Variants in ARHGAP26 observed in about 807,000 individuals in gnomAD.
ARHGAP26 encodes Rho GTPase activating protein 26.
In ARHGAP26, 38 loss-of-function variants were observed where a neutral mutation model predicts 104.8. That is an observed-to-expected ratio of 0.36 (90% confidence interval 0.28 to 0.48). The LOEUF is 0.48. ARHGAP26 is among the 20% of genes least tolerant of loss of function. The pLI is 0.99. For missense variants in ARHGAP26, 704 were observed against 947.9 expected (o/e 0.74, Z 3.38); for synonymous variants, 341 against 340.0 (o/e 1.00, Z -0.03).
chr5:142,843,331 C>G (rs142342390), intron 1 of ARHGAP26, among the ~76,000 whole-genome samples: 1 of 152,192 alleles, frequency 6.6e-6, no homozygotes, highest in African/African-American at 2.4e-5. Flanking sequence ...CTTTCTGACA[C>G]TGAGTGGAGT....
At chr5:143,061,021 A>G (rs932509758) in intron 17 of ARHGAP26, among the ~76,000 whole-genome samples, 28 of 152,222 alleles carry the variant, frequency 1.8e-4, no homozygotes, top group Admixed American at 1.8e-3. Context: ...AGTCTTTGCA[A>G]TTTGACTTTG....
At chr5:142,957,332 G>A (rs150062135) in intron 11 of ARHGAP26, among the ~76,000 whole-genome samples, 217 of 152,186 alleles carry the variant, frequency 1.4e-3, no homozygotes, top group African/African-American at 4.7e-3. Flanking sequence ...TTGTGATTTC[G>A]TACACAGTTG....
intron 1 of ARHGAP26, chr5:142,860,430 C>A (rs1160277696): frequency 6.6e-6 from 1 of 152,146 alleles, no homozygotes; most frequent in African/African-American, 2.4e-5. Context: ...ATTGGCAGCT[C>A]CAGCCTAGGA....
intron 11 of ARHGAP26, among the ~76,000 whole-genome samples, chr5:142,936,571 A>G (rs1199184696): frequency 6.6e-6 from 1 of 152,172 alleles, no homozygotes; most frequent in Non-Finnish European, 1.5e-5. Context: ...AGATAAAACA[A>G]TTTTAAAAAA....
At chr5:143,153,353 C>T (rs3776273) in intron 20 of ARHGAP26, among the ~76,000 whole-genome samples, 4,199 of 152,192 alleles carry the variant, frequency 0.028, 264 homozygotes, top group South Asian at 0.22. Context: ...CTTCCACTGT[C>T]TCTGGTGGAA....
intron 1 of ARHGAP26, among the ~76,000 whole-genome samples, chr5:142,787,229 G>A (rs1758854693): frequency 6.6e-6 from 1 of 152,172 alleles, no homozygotes; most frequent in African/African-American, 2.4e-5. Flanking sequence ...ACAGTGTCAA[G>A]TGTCTCATTT....
rs1761437029 is a variant in ARHGAP26 at position 142,908,691 on chromosome 5, T to G, written c.933+887T>G. 3 of 163,752 alleles carry G rather than the reference T, an allele frequency of 1.8e-5. No homozygotes were observed. In the South Asian group the frequency reaches 6.2e-4, roughly 34 times the overall value. The allele number at this position is 163,752 out of a possible 1,614,324, so 10.1% of individuals were successfully genotyped here. ...TTTCAGTGGGGGAGGAGGTAGACCC[T>G]GCCTCTCCATGGGAGGGGCATCAAA... is the stretch of plus-strand genomic sequence containing the variant. On this transcript the variant is annotated intron_variant, in intron 9 of 22. Coordinates refer to ENST00000645722, the MANE Select transcript of ARHGAP26 (RefSeq NM_001135608.3).
At chr5:143,164,807 T>A (rs997854236) in intron 20 of ARHGAP26, 7 of 152,198 alleles carry the variant, frequency 4.6e-5, no homozygotes, top group African/African-American at 1.7e-4. Flanking sequence ...GTAAGCAAGT[T>A]CCCAGTGTAA....
At chr5:142,877,594 G>A (rs1200463028) in intron 3 of ARHGAP26, among the ~76,000 whole-genome samples, 1 of 152,224 alleles carries the variant, frequency 6.6e-6, no homozygotes, top group African/African-American at 2.4e-5. Context: ...AAGGCTGATA[G>A]CAAGTAGTAG....
chr5:142,807,984 C>T (rs1763299471), intron 1 of ARHGAP26, among the ~76,000 whole-genome samples: 1 of 151,826 alleles, frequency 6.6e-6, no homozygotes, highest in South Asian at 2.1e-4. Context: ...GCCTGTAATC[C>T]CAGCACTTTG....
chr5:142,884,129 A>C (rs1439374449), intron 4 of ARHGAP26, among the ~76,000 whole-genome samples: 3 of 152,228 alleles, frequency 2.0e-5, no homozygotes, highest in African/African-American at 7.2e-5. Flanking sequence ...CCCGTTTATC[A>C]GCCAAGTGCC....
At chr5:143,009,429 G>A (rs1411574816) in intron 11 of ARHGAP26, among the ~76,000 whole-genome samples, 3 of 152,162 alleles carry the variant, frequency 2.0e-5, no homozygotes, top group African/African-American at 7.2e-5. Flanking sequence ...ATTTCCAGCT[G>A]TCTGACCTTG....
intron 20 of ARHGAP26, among the ~76,000 whole-genome samples, chr5:143,173,396 C>G (rs1274748327): frequency 6.6e-6 from 1 of 152,110 alleles, no homozygotes; most frequent in Admixed American, 6.5e-5. Flanking sequence ...CCACGAGGGC[C>G]TAGAGGGAGT....
At chr5:142,852,219 G>A (rs1337437534) in intron 1 of ARHGAP26, among the ~76,000 whole-genome samples, 2 of 152,240 alleles carry the variant, frequency 1.3e-5, no homozygotes, top group Admixed American at 6.5e-5. Context: ...GCCTCTGAGC[G>A]GTCAGAGGTA....
intron 14 of ARHGAP26, among the ~76,000 whole-genome samples, chr5:143,050,224 C>G (rs1784809593): frequency 6.6e-6 from 1 of 152,166 alleles, no homozygotes; most frequent in African/African-American, 2.4e-5. Context: ...TGACTGAGAG[C>G]CTAATTTTCT....
intron 20 of ARHGAP26, among the ~76,000 whole-genome samples, chr5:143,155,810 C>T (rs1800405645): frequency 6.6e-6 from 1 of 152,194 alleles, no homozygotes; most frequent in Non-Finnish European, 1.5e-5. Context: ...TTTCTATAAA[C>T]TTATAAATCT....
Position 142,885,285 on chromosome 5 carries a change from C to G in ARHGAP26, c.385-13C>G, listed in dbSNP as rs1339000488. The G allele has an allele frequency of 3.7e-6, 6 of 1,609,826 alleles. No individual in the cohort carries two copies. Among genetic ancestry groups the G allele is most frequent in the Non-Finnish European group, 5.1e-6 (6 of 1,176,772 alleles). On this transcript the variant is annotated splice_polypyrimidine_tract_variant and intron_variant, in intron 4 of 22. Coordinates refer to ENST00000645722, the MANE Select transcript of ARHGAP26 (RefSeq NM_001135608.3). ...GTTACTCTTTTTCTTTTTCTCTTCT[C>G]TTTTTTTGCCAGGAAGCCAAAAAGA...
At chr5:142,796,091 T>TGTGTGTG in intron 1 of ARHGAP26, among the ~76,000 whole-genome samples, 1 of 150,456 alleles carries the variant, frequency 6.6e-6, no homozygotes, top group African/African-American at 2.5e-5. Context: ...TGTGTGTGTG[T>TGTGTGTG]TACGTCTCTC....
At chr5:142,954,740 G>A (rs1246969822) in intron 11 of ARHGAP26, among the ~76,000 whole-genome samples, 1 of 152,154 alleles carries the variant, frequency 6.6e-6, no homozygotes, top group African/African-American at 2.4e-5. Context: ...ACTCAGATGT[G>A]TTTCAGGTGT....
Sources: gnomAD v4.1 joint callset for allele counts (sites outside exome capture counted in the v4.1 genomes callset) on GRCh38, gnomAD v4.1.1 for gene constraint, MANE v1.5 for transcripts, NCBI Gene and HGNC (gene_info 2026-07-23, HGNC 2026-07-21) for gene names.